The following OAS3 variants were observed in gnomAD, a reference collection of about 807,000 sequenced individuals.
The protein encoded by OAS3 is 2'-5'-oligoadenylate synthetase 3, also known as 2'-5'-oligoadenylate synthase 3.
In OAS3, 107 loss-of-function variants were observed where a neutral mutation model predicts 113.0. The observed-to-expected ratio is 0.95, with a 90% CI of 0.81 to 1.11. OAS3 has a LOEUF of 1.11. Ranked by LOEUF, OAS3 falls within the 50% of genes most tolerant of loss-of-function variation. The pLI is 0.00. For synonymous variants in OAS3, 552 were observed against 573.6 expected (o/e 0.96, Z 0.54); for missense variants, 1,258 against 1,389.1 (o/e 0.91, Z 1.50).
Position 112,963,398 on chromosome 12 carries a change from G to A in OAS3, c.2170G>A (p.Gly724Arg). ...ELLAQEAAALGMQACFLSRDG... is the reference protein window; with the variant it reads ...ELLAQEAAALRMQACFLSRDG... ...GTTGGCCCAGGAAGCAGCAGCGCTG[G>A]GGATGCAGGCCTGCTTTCTGAGTAG... The change falls in exon 10 of 16, where the codon GGG becomes AGG. Residue 724 changes from glycine (G) to arginine (R), a missense_variant. By Grantham distance (125) the Gly-to-Arg change is moderately radical. Transcript: ENST00000228928. The surrounding 1 kb of genome is among the most constrained non-coding windows in gnomAD (Gnocchi z 4.6). 1.3e-6 allele frequency: 2 copies of A among 1,552,476 alleles called. No homozygotes were observed. The highest frequency in any genetic ancestry group is 2.4e-5 in the South Asian group (2 of 84,080).
chr12:112,960,137 G>A (rs1254831457), intron 7 of OAS3, among the ~76,000 whole-genome samples: 1 of 151,964 alleles, frequency 6.6e-6, no homozygotes, highest in African/African-American at 2.4e-5. Flanking sequence ...TTGTGCCCTG[G>A]GTTGGAGAAA....
intron 1 of OAS3, among the ~76,000 whole-genome samples, chr12:112,940,236 G>A (rs757573845): frequency 2.6e-5 from 4 of 152,188 alleles, no homozygotes; most frequent in Non-Finnish European, 5.9e-5. Flanking sequence ...AATATTCCCT[G>A]TTCCCACTTT....
At position 112,965,849 on chromosome 12, in the gene OAS3, G is replaced by A. The variant is rs2043928183; in HGVS notation, c.2509G>A (p.Ala837Thr). Residue 837 changes from alanine (A) to threonine (T), a missense_variant, in exon 12 of 16, where the codon GCC (alanine) becomes ACC (threonine). Ala to Thr is a moderately conservative substitution (Grantham distance 58, BLOSUM62 0). Coordinates refer to ENST00000228928, the MANE Select transcript of OAS3 (RefSeq NM_006187.4). ...GTTCACTGAGCAGGGCAACAAGCGG[G>A]CCGAGATCATCTCCGAGATCCGAGC... Reference protein sequence around the residue: ...SQFTEQGNKRAEIISEIRAQL... With the variant: ...SQFTEQGNKRTEIISEIRAQL... 1.9e-6 allele frequency: 3 copies of A among 1,613,790 alleles called. No individual in the cohort carries two copies. The highest frequency in any genetic ancestry group is 3.3e-5 in the Admixed American group (2 of 60,000).
At chr12:112,964,657 T>C (rs1161585780) in intron 11 of OAS3, among the ~76,000 whole-genome samples, 1 of 151,782 alleles carries the variant, frequency 6.6e-6, no homozygotes, top group Non-Finnish European at 1.5e-5. Context: ...CTGATGTAAC[T>C]GGAAAGTCCT....
At position 112,970,093 on chromosome 12, in the gene OAS3, TGTGTGCATGTGTGTGCACAC is replaced by T. The variant is rs988152202; in HGVS notation, c.*136_*155del. On this transcript the variant is annotated 3_prime_UTR_variant, in exon 16 of 16. Transcript: ENST00000228928. ...TTGTGTACATGTGTGTGTGAGCACA[TGTGTGCATGTGTGTGCACAC>T]GTGTGCATGTGTGTGTTTTAGTGAA... 7.1e-5 allele frequency: 77 copies of T among 1,078,840 alleles called. No homozygotes were observed. The highest frequency in any genetic ancestry group is 2.0e-4 in the South Asian group (15 of 74,198). 66.8% of individuals were successfully genotyped at this position (1,078,840 alleles called of 1,614,324 possible). A position where few individuals can be genotyped will look rare whatever the true frequency, so the allele number is the denominator to read the frequency against.
At position 112,954,274 on chromosome 12, in the gene OAS3, T is replaced by C. The variant is rs182199863; in HGVS notation, c.1657+3299T>C. On this transcript the variant is annotated intron_variant, in intron 7 of 15. Transcript: ENST00000228928. This position sits in a 1 kb window ranked among gnomAD's most constrained non-coding sequence, Gnocchi z 4.0. ...CTTTCCCCATTTCTTGTTTGTCTGT[T>C]TGTTTGTTTGTTGTTGTTGTTGTTG... Among the ~76,000 whole-genome samples the C allele has an allele frequency of 3.1e-3, 469 of 149,714 alleles. No homozygotes were observed. Among genetic ancestry groups the C allele is most frequent in the African/African-American group, 0.011 (443 of 40,816 alleles).
chr12:112,949,048 T>TGGACCTGTC lies in OAS3; in HGVS notation c.1218_1226dup (p.Asp407_Ser409dup). ...GTCCCCTCTGTGCCGGGAATGGCCTTGGACCTGTCTCAGATCCCCACCAAG... is the reference window on the plus strand; with the variant it reads ...GTCCCCTCTGTGCCGGGAATGGCCTTGGACCTGTCGGACCTGTCTCAGATCCCCACCAAG... On this transcript the variant is annotated inframe_insertion, in exon 6 of 16. Transcript: ENST00000228928. 6.2e-7 allele frequency: 1 copy of TGGACCTGTC among 1,614,058 alleles called. No individual in the cohort carries two copies. The highest frequency in any genetic ancestry group is 8.5e-7 in the Non-Finnish European group (1 of 1,179,906).
intron 1 of OAS3, among the ~76,000 whole-genome samples, chr12:112,941,355 A>G (rs548903981): frequency 2.0e-5 from 3 of 152,286 alleles, no homozygotes; most frequent in East Asian, 1.9e-4. Context: ...CCCTGTTTCT[A>G]TGGAAAAAAA....
Position 112,938,608 on chromosome 12 carries a change from A to C in OAS3, c.78A>C (p.Val26=), listed in dbSNP as rs749465101. The C allele has an allele frequency of 6.8e-6, 11 of 1,610,414 alleles. No individual in the cohort carries two copies. In the South Asian group the frequency reaches 1.2e-4, roughly 18 times the overall value. Residue 26 remains valine, a synonymous_variant, in exon 1 of 16, where the codon GTA becomes GTC. Transcript: ENST00000228928. The part of the protein sequence containing the change: ...ARRLQPRKEF[V]EKARRALGAL... Reference sequence around the variant, plus strand: ...GGCTGCAGCCGCGGAAGGAGTTCGTAGAGAAGGCGCGGCGCGCTCTGGGCG... The same window carrying C: ...GGCTGCAGCCGCGGAAGGAGTTCGTCGAGAAGGCGCGGCGCGCTCTGGGCG...
intron 15 of OAS3, 21 bp from the exon 16 acceptor site, chr12:112,969,941 T>A (rs750632752): frequency 1.3e-5 from 21 of 1,606,506 alleles, no homozygotes; most frequent in Non-Finnish European, 1.7e-5. Flanking sequence ...GTTACCAACA[T>A]CTCTTATAAT....
Position 112,964,404 on chromosome 12 carries a change from T to C in OAS3, c.2399T>C (p.Val800Ala), listed in dbSNP as rs1207556080. The change falls in exon 11 of 16, where the codon GTC becomes GCC. Residue 800 changes from valine to alanine, a missense_variant. Val to Ala is a moderately conservative substitution (Grantham distance 64). Transcript: ENST00000228928. ...TCTCCCATCAAAGTGATCAAGGTGG[T>C]CAAGGTGAGTCCTCAGAGAGCTGTA... ...RNSPIKVIKV[V>A]KGGSSAKGTA... 1 of 1,610,838 alleles carries C rather than the reference T, an allele frequency of 6.2e-7. No individual in the cohort carries two copies.
Position 112,963,344 on chromosome 12 carries a change from TG to T in OAS3, c.2118del (p.Trp706Ter). ...GGTCCTGGACCCCGCTGATCCCACC[TG>T]GAACGTGGGCCACGGTAGCTGGGAG... ...PLVLDPADPT[W>X]NVGHGSWELL... On this transcript the variant is annotated frameshift_variant, in exon 10 of 16. Transcript: ENST00000228928. LOFTEE classifies it high-confidence loss of function. The surrounding 1 kb of genome is among the most constrained non-coding windows in gnomAD (Gnocchi z 4.6). 1 of 1,571,150 alleles carries T rather than the reference TG, an allele frequency of 6.4e-7. No homozygotes were observed. Among genetic ancestry groups the T allele is most frequent in the Non-Finnish European group, 8.6e-7 (1 of 1,157,678 alleles).
chr12:112,948,758 G>A (rs1208535790), intron 5 of OAS3, 103 bp from the exon 6 acceptor site: 1 of 898,922 alleles, frequency 1.1e-6, no homozygotes, highest in Non-Finnish European at 1.7e-6. Context: ...CTGAGCCTCA[G>A]TCACCCTGAC....
intron 2 of OAS3, among the ~76,000 whole-genome samples, chr12:112,942,927 TAC>T (rs367619528): frequency 6.6e-5 from 10 of 150,520 alleles, no homozygotes; most frequent in Admixed American, 2.0e-4. Flanking sequence ...ACATACTGGG[TAC>T]ACACACACAC....
intron 14 of OAS3, 37 bp downstream of exon 14, chr12:112,968,211 C>A (rs760359387): frequency 6.3e-7 from 1 of 1,582,980 alleles, no homozygotes; most frequent in East Asian, 2.3e-5. Context: ...AATTTCAAAC[C>A]TGGGATCACT....
rs7307875 is a variant in OAS3, at chr12:112,950,725, G to A, written c.1407G>A (p.Arg469=). Residue 469 remains arginine, a synonymous_variant, in exon 7 of 16, where the codon AGG becomes AGA. Transcript: ENST00000228928. ...GGSFGRGTDL[R]DGCDVELIIF... ...CATTTGGCCGGGGCACAGACCTAAG[G>A]GATGGCTGTGATGTTGAACTCATCA... is the stretch of plus-strand genomic sequence containing the variant. The A allele has an allele frequency of 0.01, 16,773 of 1,613,926 alleles. 1,420 individuals are homozygous for A. In the African/African-American group the frequency reaches 0.19, roughly 18 times the overall value.
At chr12:112,949,500 C>A (rs1377629546) in intron 6 of OAS3, among the ~76,000 whole-genome samples, 1 of 152,174 alleles carries the variant, frequency 6.6e-6, no homozygotes, top group East Asian at 1.9e-4. Context: ...GCCCTGGTCT[C>A]CCTCTGGCCT....
At chr12:112,942,600 C>T (rs2043689613) in intron 2 of OAS3, among the ~76,000 whole-genome samples, 1 of 151,590 alleles carries the variant, frequency 6.6e-6, no homozygotes, top group South Asian at 2.1e-4. Context: ...TCCCTCTGAT[C>T]CCAGCTACTG....
At chr12:112,953,516 C>G (rs1013628470) in intron 7 of OAS3, among the ~76,000 whole-genome samples, 13 of 152,190 alleles carry the variant, frequency 8.5e-5, no homozygotes, top group Non-Finnish European at 1.8e-4. Context: ...AATGGGATGG[C>G]TGGGTCAAAT....
Sources: gnomAD v4.1 joint callset for allele counts (sites outside exome capture counted in the v4.1 genomes callset) on GRCh38, gnomAD v4.1.1 for gene constraint, Gnocchi (gnomAD v3.1) non-coding constraint, MANE v1.5 for transcripts, NCBI Gene and HGNC (gene_info 2026-07-23, HGNC 2026-07-21) for gene names.